The following SFXN5 variants were observed in gnomAD, a reference collection of about 807,000 sequenced individuals.
SFXN5 encodes the protein sideroflexin-5.
SFXN5 carries 43 observed loss-of-function variants against 50.2 expected under a neutral mutation model. The observed-to-expected ratio is 0.86, with a 90% CI of 0.67 to 1.11. The LOEUF (loss-of-function observed/expected upper bound fraction) is 1.11. Ranked by LOEUF, SFXN5 falls within the 50% of genes least tolerant of loss-of-function variation. The pLI is 0.00. For missense variants in SFXN5, 463 were observed against 454.1 expected, an observed-to-expected ratio of 1.02 and a Z score of -0.18; for synonymous variants, 203 against 185.8, an observed-to-expected ratio of 1.09 and a Z score of -0.75.
At chr2:72,954,696 C>G (rs1177516276) in intron 13 of SFXN5, among the ~76,000 whole-genome samples, 1 of 152,196 alleles carries the variant, frequency 6.6e-6, no homozygotes, top group Admixed American at 6.5e-5. Flanking sequence ...GTCTAGGGGC[C>G]ATAAGACACG....
chr2:72,980,176 G>A (rs1015276226), intron 10 of SFXN5, among the ~76,000 whole-genome samples: 1 of 151,442 alleles, frequency 6.6e-6, no homozygotes, highest in South Asian at 2.1e-4. Context: ...CCACCGTTGT[G>A]GGCAACACAG....
chr2:73,058,545 T>C lies in SFXN5; in HGVS notation c.154A>G (p.Thr52Ala). ...TGACTTACCTCAGTGACAAAGAGTG[T>C]GCGAGGGTCGATGATATCCAAGAAG... ...RHFLDIIDPR[T>A]LFVTERRLRE... Residue 52 changes from threonine to alanine, a missense_variant, in exon 2 of 14, where the codon ACA (threonine) becomes GCA (alanine). Coordinates refer to ENST00000272433, the MANE Select transcript of SFXN5 (RefSeq NM_144579.3). The C allele has an allele frequency of 6.2e-7, 1 of 1,614,072 alleles. No individual in the cohort carries two copies. Among genetic ancestry groups the C allele is most frequent in the East Asian group, 2.2e-5 (1 of 44,882 alleles).
intron 1 of SFXN5, among the ~76,000 whole-genome samples, chr2:73,064,176 A>C (rs368911132): frequency 7.2e-5 from 11 of 152,310 alleles, no homozygotes; most frequent in East Asian, 3.9e-4. Flanking sequence ...ATCCCAGAAG[A>C]AGCTGACACC....
intron 13 of SFXN5, among the ~76,000 whole-genome samples, chr2:72,955,479 G>A (rs1335056779): frequency 2.6e-5 from 4 of 152,248 alleles, no homozygotes; most frequent in African/African-American, 7.2e-5. Flanking sequence ...CTGCGGTGGG[G>A]GAGAGCCCGA....
chr2:72,966,284 G>C (rs1012388757), intron 12 of SFXN5, among the ~76,000 whole-genome samples: 17 of 152,322 alleles, frequency 1.1e-4, no homozygotes, highest in Admixed American at 9.8e-4. Context: ...ACAAGTAACA[G>C]AGTAAGCACT....
intron 2 of SFXN5, 166 bp downstream of exon 2, chr2:73,058,362 C>T (rs1406617752): frequency 1.6e-6 from 1 of 608,512 alleles, no homozygotes; most frequent in East Asian, 2.8e-5. Flanking sequence ...CACACAGATA[C>T]ATAAACAGAC....
chr2:73,068,378 G>A (rs1263840967), intron 1 of SFXN5, among the ~76,000 whole-genome samples: 1 of 152,110 alleles, frequency 6.6e-6, no homozygotes, highest in Non-Finnish European at 1.5e-5. Flanking sequence ...GGCCCTAAAG[G>A]AGCTCATCAA....
At chr2:72,988,171 G>T in intron 10 of SFXN5, 87 bp downstream of exon 10, 2 of 1,227,988 alleles carry the variant, frequency 1.6e-6, no homozygotes, top group Non-Finnish European at 2.3e-6. Context: ...ATCAGGAGAG[G>T]TGTGGAAGGG....
chr2:72,986,633 T>C (rs1009534439), intron 10 of SFXN5, among the ~76,000 whole-genome samples: 1 of 152,240 alleles, frequency 6.6e-6, no homozygotes, highest in Non-Finnish European at 1.5e-5. Context: ...CCTTCTCTTT[T>C]GACAGCTATG....
chr2:73,016,543 A>T (rs1676170117), intron 6 of SFXN5, among the ~76,000 whole-genome samples: 1 of 152,140 alleles, frequency 6.6e-6, no homozygotes, highest in African/African-American at 2.4e-5. Context: ...CATCTCTACT[A>T]AAAACACAAA....
Position 73,047,070 on chromosome 2 carries a change from C to A in SFXN5, c.172-6139G>T, listed in dbSNP as rs537520893. On this transcript the variant is annotated intron_variant, in intron 2 of 13. Coordinates refer to ENST00000272433, the MANE Select transcript of SFXN5 (RefSeq NM_144579.3). ...TGAAACTCCATCTCTACTTAAAATA[C>A]AAAAATTAGCTGGACGTGGTGGCAG... is the stretch of plus-strand genomic sequence containing the variant. Among the ~76,000 whole-genome samples, 64 of 149,436 alleles carry A rather than the reference C, an allele frequency of 4.3e-4. No individual in the cohort carries two copies. In the East Asian group the frequency reaches 0.012, roughly 28 times the overall value.
chr2:72,984,643 C>T (rs1002879321), intron 10 of SFXN5, among the ~76,000 whole-genome samples: 19 of 152,124 alleles, frequency 1.2e-4, no homozygotes, highest in South Asian at 4.1e-4. Flanking sequence ...TGAGGAGAAC[C>T]GAGGGAGGAG....
chr2:73,057,191 T>A (rs1213207528), intron 2 of SFXN5, among the ~76,000 whole-genome samples: 1 of 152,070 alleles, frequency 6.6e-6, no homozygotes, highest in Non-Finnish European at 1.5e-5. Flanking sequence ...CAGGCTGGAG[T>A]GCAGTGGTAC....
chr2:72,962,625 C>G (rs1474717799), intron 12 of SFXN5, among the ~76,000 whole-genome samples: 2 of 152,200 alleles, frequency 1.3e-5, no homozygotes, highest in African/African-American at 4.8e-5. Flanking sequence ...CCTGGATGTT[C>G]CTGCTCAGGT....
At chr2:73,025,031 T>C (rs1443433673) in intron 3 of SFXN5, among the ~76,000 whole-genome samples, 1 of 152,060 alleles carries the variant, frequency 6.6e-6, no homozygotes, top group East Asian at 1.9e-4. Context: ...GCAGTCGATG[T>C]TTAAAAAATA....
At chr2:73,031,882 G>A (rs555019933) in intron 3 of SFXN5, among the ~76,000 whole-genome samples, 1 of 152,326 alleles carries the variant, frequency 6.6e-6, no homozygotes, top group East Asian at 1.9e-4. Flanking sequence ...AAATTAGGCA[G>A]AAGCAGGGAC....
At chr2:72,979,571 T>A (rs1324097889) in intron 10 of SFXN5, among the ~76,000 whole-genome samples, 1 of 151,956 alleles carries the variant, frequency 6.6e-6, no homozygotes, top group African/African-American at 2.4e-5. Flanking sequence ...GAGGCGGAGG[T>A]TGCAGTGAGC....
intron 2 of SFXN5, among the ~76,000 whole-genome samples, chr2:73,047,138 T>A (rs1487713595): frequency 7.0e-6 from 1 of 142,576 alleles, no homozygotes; most frequent in Non-Finnish European, 1.5e-5. Flanking sequence ...GGCAGAGAAT[T>A]GCTTGAACCT....
rs185373527 is a variant in SFXN5 at position 73,060,488 on chromosome 2, G to A, written c.103-1892C>T. Among the ~76,000 whole-genome samples the A allele has an allele frequency of 1.9e-3, 287 of 152,198 alleles. 3 individuals are homozygous for A. The highest frequency in any genetic ancestry group is 6.9e-3 in the Middle Eastern group (2 of 290). On this transcript the variant is annotated intron_variant, in intron 1 of 13. Transcript: ENST00000272433. Reference sequence around the variant, plus strand: ...AAAGACAAAGAAAGAGTGGGAATGAGACTGTTCCACATTAAAGAAACTAAA... The same window carrying A: ...AAAGACAAAGAAAGAGTGGGAATGAAACTGTTCCACATTAAAGAAACTAAA...
Sources: gnomAD v4.1 joint callset for allele counts (sites outside exome capture counted in the v4.1 genomes callset) on GRCh38, gnomAD v4.1.1 for gene constraint, MANE v1.5 for transcripts, NCBI Gene and HGNC (gene_info 2026-07-23, HGNC 2026-07-21) for gene names.